Variants in RASGRF2 observed in about 807,000 individuals in gnomAD.
RASGRF2 encodes the protein Ras protein specific guanine nucleotide releasing factor 2.
A neutral mutation model predicts 151.0 loss-of-function variants in RASGRF2; 76 were observed. The observed-to-expected ratio is 0.50, with a 90% CI of 0.42 to 0.61. The LOEUF (loss-of-function observed/expected upper bound fraction) is 0.61. RASGRF2 is among the 20% of genes least tolerant of loss of function. The probability of loss-of-function intolerance (pLI) is 0.00; values close to 1 mark genes in which losing one functional copy is unlikely to be tolerated. For synonymous variants in RASGRF2, 504 were observed against 566.5 expected (o/e 0.89, Z 1.57); for missense variants, 1,148 against 1,564.6 (o/e 0.73, Z 4.49).
At position 81,123,719 on chromosome 5, in the gene RASGRF2, T is replaced by G. The variant is rs1457561363; in HGVS notation, c.2548T>G (p.Cys850Gly). Residue 850 changes from cysteine to glycine, a missense_variant, in exon 16 of 27, where the codon TGC (cysteine) becomes GGC (glycine). Cys to Gly is a radical substitution (Grantham distance 159, BLOSUM62 -3). This residue lies in a region of RASGRF2 where 646 missense variants were observed against 807.4 expected (regional missense o/e 0.80). Transcript: ENST00000265080. ...PAADTTELSP[C>G]RSPSTPRHLR... The stretch of plus-strand genomic sequence containing the variant: ...AGCGGACACCACAGAACTTTCACCT[T>G]GCAGATCCCCCTCAACTCCTCGGCA... The G allele has an allele frequency of 6.2e-7, 1 of 1,613,972 alleles. No individual in the cohort carries two copies. The highest frequency in any genetic ancestry group is 1.1e-5 in the South Asian group (1 of 91,050).
At chr5:80,990,226 T>C (rs1323231023) in intron 1 of RASGRF2, among the ~76,000 whole-genome samples, 2 of 146,936 alleles carry the variant, frequency 1.4e-5, no homozygotes, top group African/African-American at 4.9e-5. Flanking sequence ...ATGTTTTTTT[T>C]TTTTTTATTT....
intron 12 of RASGRF2, among the ~76,000 whole-genome samples, chr5:81,098,346 G>T (rs1000943256): frequency 6.6e-6 from 1 of 152,250 alleles, no homozygotes; most frequent in Non-Finnish European, 1.5e-5. Context: ...ATAAGCAGTG[G>T]GATATAGAAG....
chr5:81,207,268 G>A lies in RASGRF2; in HGVS notation c.2990G>A (p.Cys997Tyr). 6.2e-7 allele frequency: 1 copy of A among 1,614,154 alleles called. No individual in the cohort carries two copies. Among genetic ancestry groups the A allele is most frequent in the Non-Finnish European group, 8.5e-7 (1 of 1,180,026 alleles). ...CAGACTGACTGCATGAAGGCCGAATGCTTTGAGTCCTTGTCGGCCATGGAG... is the reference window on the plus strand; with the variant it reads ...CAGACTGACTGCATGAAGGCCGAATACTTTGAGTCCTTGTCGGCCATGGAG... Reference protein sequence around the residue: ...IQMTDCMKAECFESLSAMELA... With the variant: ...IQMTDCMKAEYFESLSAMELA... Residue 997 changes from cysteine (C) to tyrosine (Y), a missense_variant, in exon 21 of 27, where the codon TGC becomes TAC. Coordinates refer to ENST00000265080, the MANE Select transcript of RASGRF2 (RefSeq NM_006909.3).
intron 1 of RASGRF2, among the ~76,000 whole-genome samples, chr5:81,024,156 C>T (rs1373788836): frequency 6.6e-6 from 1 of 151,420 alleles, no homozygotes; most frequent in Non-Finnish European, 1.5e-5. Flanking sequence ...TGATGACATG[C>T]ACAGGTAAAC....
At chr5:81,056,792 C>CT (rs1561581813) in intron 2 of RASGRF2, among the ~76,000 whole-genome samples, 2 of 152,106 alleles carry the variant, frequency 1.3e-5, no homozygotes, top group African/African-American at 4.8e-5. Context: ...TAAGGAGTTG[C>CT]TTTATGAATC....
At chr5:81,217,306 A>G (rs769480226) in intron 24 of RASGRF2, 50 bp from the exon 25 acceptor site, 3 of 1,549,040 alleles carry the variant, frequency 1.9e-6, no homozygotes, top group East Asian at 4.6e-5. Context: ...GGGGAGGGAA[A>G]TAGACATTTA....
chr5:80,998,789 G>A (rs1748982810), intron 1 of RASGRF2, among the ~76,000 whole-genome samples: 1 of 152,218 alleles, frequency 6.6e-6, no homozygotes, highest in African/African-American at 2.4e-5. Context: ...GCCTGGTTCA[G>A]CCAACAAGCA....
Position 81,131,121 on chromosome 5 carries a change from T to C in RASGRF2, c.2686+3958T>C, listed in dbSNP as rs191444124. Among the ~76,000 whole-genome samples, 167 of 152,356 alleles carry C rather than the reference T, an allele frequency of 1.1e-3. 2 individuals carry two copies. The South Asian group carries it at 0.014, about 13-fold the overall frequency. On this transcript the variant is annotated intron_variant, in intron 17 of 26. Transcript: ENST00000265080. The stretch of plus-strand genomic sequence containing the variant: ...ATATTAAACCATGTCTCTTTAAGTA[T>C]TGCTTAGAAAACTTCCTTAATGCAT...
In RASGRF2 at chr5:81,042,993, C is replaced by T. The variant is rs1201154973; in HGVS notation, c.395+10C>T. ...CCATTCACCAAGCCAGGTATAGGCT[C>T]AGTCTTCCTGTGTAGTACTTGATTG... On this transcript the variant is annotated intron_variant, in intron 2 of 26. Transcript: ENST00000265080. The T allele has an allele frequency of 3.1e-6, 5 of 1,591,144 alleles. No homozygotes were observed. Among genetic ancestry groups the T allele is most frequent in the South Asian group, 1.1e-5 (1 of 88,474 alleles).
intron 17 of RASGRF2, among the ~76,000 whole-genome samples, chr5:81,166,484 G>C (rs1395002960): frequency 6.6e-6 from 1 of 152,270 alleles, no homozygotes; most frequent in East Asian, 1.9e-4. Context: ...CACAGCACCT[G>C]GCCGTGAACT....
chr5:81,014,937 T>G (rs983322857), intron 1 of RASGRF2, among the ~76,000 whole-genome samples: 1 of 152,204 alleles, frequency 6.6e-6, no homozygotes, highest in Non-Finnish European at 1.5e-5. Flanking sequence ...TATTTATTTT[T>G]GAGACAGGGT....
At chr5:81,093,767 C>T (rs1447583848) in intron 10 of RASGRF2, among the ~76,000 whole-genome samples, 2 of 152,052 alleles carry the variant, frequency 1.3e-5, no homozygotes, top group Admixed American at 1.3e-4. Flanking sequence ...CAGCCATGCG[C>T]ATGTCTTTGT....
At chr5:80,989,059 C>T (rs1748565875) in intron 1 of RASGRF2, among the ~76,000 whole-genome samples, 1 of 151,874 alleles carries the variant, frequency 6.6e-6, no homozygotes, top group Non-Finnish European at 1.5e-5. Flanking sequence ...CTCACTGCAA[C>T]CTCCACCTCC....
At chr5:80,984,344 C>T (rs1748410585) in intron 1 of RASGRF2, among the ~76,000 whole-genome samples, 1 of 152,206 alleles carries the variant, frequency 6.6e-6, no homozygotes, top group South Asian at 2.1e-4. Context: ...TGAGCCACTG[C>T]ACCTGGCCTC....
chr5:80,976,135 G>A lies in RASGRF2; in HGVS notation c.288+15109G>A, dbSNP rs576467337. On this transcript the variant is annotated intron_variant, in intron 1 of 26. Transcript: ENST00000265080. ...CTGGGATTACAGGTGTAACCACCAC[G>A]CCCGGCTAAAGCAATCATCTTTCTG... Among the ~76,000 whole-genome samples, 10 of 152,248 alleles carry A rather than the reference G, an allele frequency of 6.6e-5. No homozygotes were observed. In the South Asian group the frequency reaches 1.7e-3, roughly 25 times the overall value.
rs370833981 is a variant in RASGRF2, at chr5:81,113,789, A to G, written c.2339A>G (p.His780Arg). Residue 780 changes from histidine to arginine, a missense_variant, in exon 15 of 27, where the codon CAC becomes CGC. His to Arg is a conservative substitution (Grantham distance 29). Around this residue, in one of 5 missense-constraint regions of RASGRF2, gnomAD observed 646 missense variants for 807.4 expected, o/e 0.80. Coordinates refer to ENST00000265080, the MANE Select transcript of RASGRF2 (RefSeq NM_006909.3). ...TQSPAASPPP[H>R]TGQIPLDLSR... ...AGTCCCGCTGCGTCTCCACCACCAC[A>G]CACTGGTCAGATACCACTGGATCTC... 19 of 1,614,050 alleles carry G rather than the reference A, an allele frequency of 1.2e-5. No homozygotes were observed. The highest frequency in any genetic ancestry group is 1.4e-5 in the Non-Finnish European group (17 of 1,179,996).
At chr5:80,976,884 C>G (rs904654849) in intron 1 of RASGRF2, among the ~76,000 whole-genome samples, 1 of 152,294 alleles carries the variant, frequency 6.6e-6, no homozygotes, top group South Asian at 2.1e-4. Flanking sequence ...TCCCCAGGCC[C>G]AGAGCAGTGA....
At chr5:81,077,411 G>C (rs1340319768) in intron 5 of RASGRF2, among the ~76,000 whole-genome samples, 2 of 152,198 alleles carry the variant, frequency 1.3e-5, no homozygotes, top group Non-Finnish European at 2.9e-5. Context: ...GAGTAGTGTT[G>C]GAGAAAAGAG....
chr5:81,159,768 G>T (rs2112635868), intron 17 of RASGRF2, among the ~76,000 whole-genome samples: 1 of 152,232 alleles, frequency 6.6e-6, no homozygotes, highest in South Asian at 2.1e-4. Flanking sequence ...TTTTGTTTCT[G>T]TTGTTTTACT....
Sources: gnomAD v4.1 joint callset for allele counts (sites outside exome capture counted in the v4.1 genomes callset) on GRCh38, gnomAD v4.1.1 for gene constraint, gnomAD v4.1.1 regional missense constraint, MANE v1.5 for transcripts, NCBI Gene and HGNC (gene_info 2026-07-23, HGNC 2026-07-21) for gene names.